The following CYBB variants were observed in gnomAD, a reference collection of about 807,000 sequenced individuals.
The protein encoded by CYBB is NADPH oxidase 2.
A neutral mutation model predicts 46.5 loss-of-function variants in CYBB; 5 were observed. The ratio of observed to expected loss-of-function variants is 0.11; its 90% CI spans 0.06 to 0.23. The LOEUF is 0.23. Ranked by LOEUF, CYBB falls within the 10% of genes least tolerant of loss-of-function variation. CYBB has a pLI of 1.00. For missense variants in CYBB, 307 were observed against 428.3 expected, an observed-to-expected ratio of 0.72 and a Z score of 2.50; for synonymous variants, 183 against 156.7, an observed-to-expected ratio of 1.17 and a Z score of -1.26.
At chrX:37,797,536 G>A (rs1405025568) in intron 6 of CYBB, among the ~76,000 whole-genome samples, 1 of 111,648 alleles carries the variant, frequency 9.0e-6, no homozygotes, top group East Asian at 2.8e-4. Context: ...TAAAATGCAG[G>A]TTTCTGGACT....
rs923670037 is a variant in CYBB, at chrX:37,811,207, A to G, written c.*290A>G. The G allele has an allele frequency of 1.9e-5, 5 of 260,433 alleles. No individual in the cohort carries two copies. The highest frequency in any genetic ancestry group is 1.1e-4 in the African/African-American group (4 of 34,946). 21.5% of individuals were successfully genotyped at this position (260,433 alleles called of 1,213,427 possible). A position where few individuals can be genotyped will look rare whatever the true frequency, so the allele number is the denominator to read the frequency against. Reference sequence around the variant, plus strand: ...GGACTCAATTTTAGAATCAAAAGGGAAAGGATCAAAAGGTTCAGTAACTTC... The same window carrying G: ...GGACTCAATTTTAGAATCAAAAGGGGAAGGATCAAAAGGTTCAGTAACTTC... On this transcript the variant is annotated 3_prime_UTR_variant, in exon 13 of 13. Transcript: ENST00000378588.
At chrX:37,809,469 G>A (rs1404983789) in intron 11 of CYBB, 98 bp from the exon 12 acceptor site, 1 of 974,019 alleles carries the variant, frequency 1.0e-6, no homozygotes, top group Non-Finnish European at 1.4e-6. Flanking sequence ...CATCCAGCAG[G>A]GTGCCTTGGT....
At chrX:37,781,275 C>A (rs1260912629) in intron 1 of CYBB, among the ~76,000 whole-genome samples, 1 of 112,533 alleles carries the variant, frequency 8.9e-6, no homozygotes, top group Non-Finnish European at 1.9e-5. Context: ...TATACTCATG[C>A]ACTTGAAAGT....
At chrX:37,795,013 A>G (rs1433721836) in intron 5 of CYBB, among the ~76,000 whole-genome samples, 1 of 111,822 alleles carries the variant, frequency 8.9e-6, no homozygotes, top group African/African-American at 3.3e-5. Flanking sequence ...TTGCCCAATG[A>G]TATATGAGGG....
chrX:37,785,201 C>T (rs781967047), intron 3 of CYBB, among the ~76,000 whole-genome samples: 4 of 94,994 alleles, frequency 4.2e-5, no homozygotes, highest in Non-Finnish European at 5.9e-5. Context: ...GTTACACCTT[C>T]GCTTCCTCAG....
Position 37,805,000 on chromosome X carries a change from C to T in CYBB, c.1152-6C>T, listed in dbSNP as rs1929527663. On this transcript the variant is annotated splice_polypyrimidine_tract_variant and splice_region_variant and intron_variant, in intron 9 of 12. Transcript: ENST00000378588. ...CTGTAACTATCTCCTCCCCATTTCCCTTCAGGATAGCGGTTGATGGGCCCT... is the reference window on the plus strand; with the variant it reads ...CTGTAACTATCTCCTCCCCATTTCCTTTCAGGATAGCGGTTGATGGGCCCT... 8.3e-7 allele frequency: 1 copy of T among 1,210,933 alleles called. No individual in the cohort carries two copies. The highest frequency in any genetic ancestry group is 1.1e-6 in the Non-Finnish European group (1 of 894,779).
chrX:37,806,683 G>C (rs782508272), intron 11 of CYBB, 150 bp downstream of exon 11: 6 of 550,700 alleles, frequency 1.1e-5, no homozygotes, highest in African/African-American at 2.3e-5. Context: ...ATTTAGTATC[G>C]CCACATTATA....
intron 12 of CYBB, among the ~76,000 whole-genome samples, chrX:37,810,306 T>C (rs1475682288): frequency 8.9e-6 from 1 of 111,786 alleles, no homozygotes; most frequent in Non-Finnish European, 1.9e-5. Flanking sequence ...ATTTAGAAGA[T>C]TTGAGGTAGG....
rs781824754 is a variant in CYBB at position 37,783,519 on chromosome X, A to G, written c.171A>G (p.Ala57=). The change falls in exon 3 of 13, where the codon GCA becomes GCG. Residue 57 remains alanine, a synonymous_variant. Transcript: ENST00000378588. ...CACTGGCACTGGCCAGGGCCCCTGC[A>G]GCCTGCCTGAATTTCAACTGCATGC... The part of the protein sequence containing the change: ...GSALALARAP[A]ACLNFNCMLI... The G allele has an allele frequency of 1.2e-5, 15 of 1,209,561 alleles. No individual in the cohort carries two copies. Among genetic ancestry groups the G allele is most frequent in the Admixed American group, 1.1e-4 (5 of 45,996 alleles).
At chrX:37,797,999 C>A (rs997881546) in intron 6 of CYBB, among the ~76,000 whole-genome samples, 2 of 111,955 alleles carry the variant, frequency 1.8e-5, no homozygotes, top group Non-Finnish European at 3.8e-5. Context: ...CCAAGCCTGG[C>A]ACATGATAAG....
chrX:37,785,895 C>T (rs1929057672), intron 3 of CYBB, among the ~76,000 whole-genome samples: 2 of 111,541 alleles, frequency 1.8e-5, no homozygotes, highest in Admixed American at 1.9e-4. Context: ...CCATGAGCAG[C>T]ACATGTTGTA....
At chrX:37,810,036 C>T (rs1929638636) in intron 12 of CYBB, among the ~76,000 whole-genome samples, 1 of 111,742 alleles carries the variant, frequency 8.9e-6, no homozygotes, top group African/African-American at 3.3e-5. Flanking sequence ...ATAATTTATA[C>T]ATATTGTTAA....
intron 3 of CYBB, among the ~76,000 whole-genome samples, chrX:37,791,124 A>G (rs1167566275): frequency 1.8e-5 from 2 of 111,511 alleles, no homozygotes; most frequent in African/African-American, 6.5e-5. Flanking sequence ...GAATGTTTAT[A>G]TAAACTCTAG....
At chrX:37,799,163 T>TA in intron 7 of CYBB, 79 bp downstream of exon 7, 1 of 966,482 alleles carries the variant, frequency 1.0e-6, no homozygotes, top group Non-Finnish European at 1.5e-6. Flanking sequence ...TGTACAGATG[T>TA]TATACATCTA....
At chrX:37,806,737 G>A (rs781873204) in intron 11 of CYBB, among the ~76,000 whole-genome samples, 2 of 111,426 alleles carry the variant, frequency 1.8e-5, no homozygotes, top group Non-Finnish European at 3.8e-5. Flanking sequence ...AGCCTGTGAG[G>A]GAATAAAAGC....
chrX:37,802,387 G>A (rs1220831528), intron 8 of CYBB, among the ~76,000 whole-genome samples: 2 of 111,464 alleles, frequency 1.8e-5, no homozygotes, highest in Admixed American at 9.5e-5. Flanking sequence ...TACCTTTAAG[G>A]AAAACTTGTT....
chrX:37,790,703 C>A lies in CYBB; in HGVS notation c.253-1272C>A, dbSNP rs782311636. Among the ~76,000 whole-genome samples, 4 of 111,454 alleles carry A rather than the reference C, an allele frequency of 3.6e-5. No homozygotes were observed. In the South Asian group the frequency reaches 1.5e-3, roughly 41 times the overall value. ...GGTGGAGTAAGCACAATTTTCTGTG[C>A]AATTATATTTTCTACAAAATCAGAG... On this transcript the variant is annotated intron_variant, in intron 3 of 12. Transcript: ENST00000378588.
chrX:37,794,435 G>GCTTTTATC (rs1929260339), intron 5 of CYBB, among the ~76,000 whole-genome samples: 1 of 111,549 alleles, frequency 9.0e-6, no homozygotes, highest in Non-Finnish European at 1.9e-5. Context: ...GAGTGGTTTT[G>GCTTTTATC]CTTTTATCTC....
chrX:37,804,176 A>T lies in CYBB; in HGVS notation c.1151+46A>T, dbSNP rs938785153. 5.2e-6 allele frequency: 6 copies of T among 1,152,387 alleles called. No homozygotes were observed. The African/African-American group carries it at 1.1e-4, about 21-fold the overall frequency. The allele number at this position is 1,152,387 out of a possible 1,213,427, so 95.0% of individuals were successfully genotyped here. On this transcript the variant is annotated intron_variant, in intron 9 of 12. Transcript: ENST00000378588. Reference sequence around the variant, plus strand: ...ACCAACGTATATGAGTTCAGGAAAAATGGCACTAAATAGCTCCTCTTCCTC... The same window carrying T: ...ACCAACGTATATGAGTTCAGGAAAATTGGCACTAAATAGCTCCTCTTCCTC...
Sources: gnomAD v4.1 joint callset for allele counts (sites outside exome capture counted in the v4.1 genomes callset) on GRCh38, gnomAD v4.1.1 for gene constraint, MANE v1.5 for transcripts, NCBI Gene and HGNC (gene_info 2026-07-23, HGNC 2026-07-21) for gene names.